LRP1B: variants seen among roughly 807,000 people sequenced by gnomAD.
LRP1B encodes the protein low-density lipoprotein receptor-related protein 1B.
LRP1B carries 217 observed loss-of-function variants against 556.6 expected under a neutral mutation model. The ratio of observed to expected loss-of-function variants is 0.39; its 90% CI spans 0.35 to 0.44. LRP1B has a LOEUF of 0.44. LRP1B is among the 20% of genes least tolerant of loss of function. The pLI, the probability that LRP1B is intolerant of heterozygous loss-of-function variation, is 1.00. For synonymous variants in LRP1B, 2,047 were observed against 1,865.8 expected, an observed-to-expected ratio of 1.10 and a Z score of -2.50; for missense variants, 5,053 against 5,620.8, an observed-to-expected ratio of 0.90 and a Z score of 3.23.
chr2:141,580,178 T>C (rs1487142107), intron 2 of LRP1B, among the ~76,000 whole-genome samples: 2 of 152,144 alleles, frequency 1.3e-5, no homozygotes, highest in Non-Finnish European at 1.5e-5. Context: ...TAGGCACTAA[T>C]TTAGATCTAC....
chr2:141,285,690 A>G (rs1421413729), intron 3 of LRP1B, among the ~76,000 whole-genome samples: 2 of 144,168 alleles, frequency 1.4e-5, no homozygotes, highest in African/African-American at 5.1e-5. Context: ...CCCTTACCTC[A>G]GGTAATCCGC....
In LRP1B at chr2:140,342,338, A is replaced by G. The variant is rs1401806893; in HGVS notation, c.11893-6500T>C. Among the ~76,000 whole-genome samples the G allele has an allele frequency of 3.3e-5, 5 of 151,544 alleles. No homozygotes were observed. The South Asian group carries it at 8.3e-4, about 25-fold the overall frequency. Reference sequence around the variant, plus strand: ...AATATTTACTATTCAGTGAAGGCCAATTATGCATGACATACTATAACCCTT... The same window carrying G: ...AATATTTACTATTCAGTGAAGGCCAGTTATGCATGACATACTATAACCCTT... On this transcript the variant is annotated intron_variant, in intron 77 of 90. Transcript: ENST00000389484.
At position 140,335,810 on chromosome 2, in the gene LRP1B, A is replaced by G. The variant is rs2105087155; in HGVS notation, c.11921T>C (p.Ile3974Thr). Residue 3974 changes from isoleucine (I) to threonine (T), a missense_variant, in exon 78 of 91, where the codon ATT becomes ACT. Physicochemically the swap from Ile to Thr is moderately conservative, Grantham distance 89. This residue lies in a region of LRP1B where 599 missense variants were observed against 648.4 expected (regional missense o/e 0.92). Transcript: ENST00000389484. ...ICPEFKRPRD[I>T]AVDWVAGNIY... ...GTTTCCAGCCACCCAGTCAACTGCAATGTCCCTGGGCCTTTTAAATTCAGG... is the reference window on the plus strand; with the variant it reads ...GTTTCCAGCCACCCAGTCAACTGCAGTGTCCCTGGGCCTTTTAAATTCAGG... 1.9e-6 allele frequency: 3 copies of G among 1,612,216 alleles called. No individual in the cohort carries two copies. The highest frequency in any genetic ancestry group is 2.5e-6 in the Non-Finnish European group (3 of 1,178,986).
chr2:141,414,001 T>C (rs1307520036), intron 3 of LRP1B, among the ~76,000 whole-genome samples: 1 of 151,420 alleles, frequency 6.6e-6, no homozygotes, highest in Admixed American at 6.6e-5. Context: ...GAGGCTGAGG[T>C]GGGCGCATCA....
chr2:140,695,786 A>G (rs1211395435), intron 41 of LRP1B, among the ~76,000 whole-genome samples: 1 of 152,220 alleles, frequency 6.6e-6, no homozygotes, highest in Non-Finnish European at 1.5e-5. Context: ...TCCAAAGGGT[A>G]GAAGGAAGAC....
chr2:142,050,842 T>C (rs1419995864), intron 1 of LRP1B, among the ~76,000 whole-genome samples: 2 of 152,198 alleles, frequency 1.3e-5, no homozygotes, highest in Admixed American at 1.3e-4. Context: ...GAAATTAGGA[T>C]ACCTCCAAAC....
intron 41 of LRP1B, among the ~76,000 whole-genome samples, chr2:140,657,829 T>C (rs954421449): frequency 2.0e-5 from 3 of 151,952 alleles, no homozygotes; most frequent in Non-Finnish European, 4.4e-5. Flanking sequence ...TATTTACTGA[T>C]GTAATAGCCT....
rs1264212244 is a variant in LRP1B, at chr2:141,058,867, A to T, written c.1408+16T>A. 6.4e-7 allele frequency: 1 copy of T among 1,567,854 alleles called. No individual in the cohort carries two copies. Among genetic ancestry groups the T allele is most frequent in the Non-Finnish European group, 8.6e-7 (1 of 1,159,388 alleles). On this transcript the variant is annotated intron_variant, in intron 9 of 90. Transcript: ENST00000389484. The stretch of plus-strand genomic sequence containing the variant: ...ATCTACCATTAGGAAGGTAATAAAG[A>T]AGCTTTCCCACTTACCTGTTGGTTG...
intron 1 of LRP1B, among the ~76,000 whole-genome samples, chr2:141,985,056 A>G (rs925490060): frequency 2.6e-5 from 4 of 152,160 alleles, no homozygotes; most frequent in African/African-American, 7.2e-5. Context: ...TGACTCATAC[A>G]TTAACAAAGA....
intron 2 of LRP1B, among the ~76,000 whole-genome samples, chr2:141,788,005 TG>T (rs1221326566): frequency 1.3e-5 from 2 of 152,034 alleles, no homozygotes; most frequent in African/African-American, 4.8e-5. Context: ...GTCCTAACTC[TG>T]TGCTATTGAA....
intron 1 of LRP1B, among the ~76,000 whole-genome samples, chr2:142,085,113 T>C (rs1411269213): frequency 6.6e-6 from 1 of 152,202 alleles, no homozygotes; most frequent in East Asian, 1.9e-4. Flanking sequence ...TTTACTTCAT[T>C]GAAGCTCCCA....
At chr2:141,110,708 G>A (rs757631106) in intron 7 of LRP1B, among the ~76,000 whole-genome samples, 9 of 151,998 alleles carry the variant, frequency 5.9e-5, no homozygotes, top group Non-Finnish European at 1.3e-4. Context: ...ACCCTAGAGA[G>A]GGAATGTACG....
chr2:141,862,251 T>A (rs894252327), intron 1 of LRP1B, among the ~76,000 whole-genome samples: 1 of 152,178 alleles, frequency 6.6e-6, no homozygotes, highest in Non-Finnish European at 1.5e-5. Flanking sequence ...CTCTAATTTC[T>A]CCACAGAAAC....
intron 1 of LRP1B, among the ~76,000 whole-genome samples, chr2:142,076,417 T>A (rs115487265): frequency 4.4e-4 from 67 of 152,198 alleles, no homozygotes; most frequent in Non-Finnish European, 7.1e-4. Flanking sequence ...TTTCGAGTGC[T>A]CAAATCTTAA....
chr2:140,760,640 CTT>C (rs1283280906), intron 35 of LRP1B, among the ~76,000 whole-genome samples: 1 of 152,106 alleles, frequency 6.6e-6, no homozygotes, highest in Non-Finnish European at 1.5e-5. Flanking sequence ...AATTCCAACA[CTT>C]TGGGAGGCCA....
At chr2:141,775,219 G>A (rs1695025813) in intron 2 of LRP1B, among the ~76,000 whole-genome samples, 1 of 152,202 alleles carries the variant, frequency 6.6e-6, no homozygotes, top group South Asian at 2.1e-4. Flanking sequence ...TTGTCTTGGA[G>A]CTATTTCACA....
chr2:141,025,733 CTCTG>C (rs1217649280), intron 11 of LRP1B, among the ~76,000 whole-genome samples: 1 of 152,022 alleles, frequency 6.6e-6, no homozygotes, highest in African/African-American at 2.4e-5. Flanking sequence ...ATCTTTTTTT[CTCTG>C]TCTCTCTATA....
chr2:141,536,515 G>C (rs776990418), intron 2 of LRP1B, among the ~76,000 whole-genome samples: 8 of 152,144 alleles, frequency 5.3e-5, no homozygotes, highest in Non-Finnish European at 8.8e-5. Context: ...ATGTTAAACA[G>C]CCATATGGCA....
chr2:140,781,527 T>C (rs1329407627), intron 32 of LRP1B, among the ~76,000 whole-genome samples: 6 of 152,192 alleles, frequency 3.9e-5, no homozygotes, highest in African/African-American at 9.7e-5. Context: ...TAAAGTATGA[T>C]TGCAGATGAT....
Sources: gnomAD v4.1 joint callset for allele counts (sites outside exome capture counted in the v4.1 genomes callset) on GRCh38, gnomAD v4.1.1 for gene constraint, gnomAD v4.1.1 regional missense constraint, MANE v1.5 for transcripts, NCBI Gene and HGNC (gene_info 2026-07-23, HGNC 2026-07-21) for gene names.